The following ATP13A5 variants were observed in gnomAD, a reference collection of about 807,000 sequenced individuals.
ATP13A5 encodes ATPase 13A5, also known as probable cation-transporting ATPase 13A5.
Under a neutral mutation model 150.2 loss-of-function variants are expected in ATP13A5, and 149 were observed. The observed-to-expected ratio is 0.99, with a 90% confidence interval of 0.87 to 1.14. The LOEUF (loss-of-function observed/expected upper bound fraction) is 1.14. Ranked by LOEUF, ATP13A5 falls within the 50% of genes most tolerant of loss-of-function variation. The pLI is 0.00. For synonymous variants in ATP13A5, 497 were observed against 522.2 expected (o/e 0.95, Z 0.66); for missense variants, 1,383 against 1,449.3 (o/e 0.95, Z 0.74).
At chr3:193,283,185 TAGTC>T (rs1191782482) in intron 27 of ATP13A5, among the ~76,000 whole-genome samples, 1 of 152,132 alleles carries the variant, frequency 6.6e-6, no homozygotes, top group East Asian at 1.9e-4. Context: ...AAAAACTCAA[TAGTC>T]AATAAAAGCT....
chr3:193,280,549 T>C (rs950125659), intron 27 of ATP13A5, among the ~76,000 whole-genome samples: 1 of 152,158 alleles, frequency 6.6e-6, no homozygotes, highest in Non-Finnish European at 1.5e-5. Flanking sequence ...AAATGAGAAA[T>C]TAGCATGTAC....
chr3:193,376,355 C>A (rs1157589277), intron 1 of ATP13A5, among the ~76,000 whole-genome samples: 2 of 152,076 alleles, frequency 1.3e-5, no homozygotes, highest in Non-Finnish European at 2.9e-5. Flanking sequence ...GTAGAAGGGA[C>A]AAGGGAGATC....
chr3:193,318,113 A>G (rs2108858818), intron 17 of ATP13A5, among the ~76,000 whole-genome samples: 1 of 152,348 alleles, frequency 6.6e-6, no homozygotes, highest in African/African-American at 2.4e-5. Context: ...CTTGGAGATC[A>G]TCCAATTGCA....
chr3:193,305,772 C>T (rs1328385076), intron 22 of ATP13A5, 104 bp from the exon 23 acceptor site: 8 of 944,244 alleles, frequency 8.5e-6, no homozygotes, highest in Non-Finnish European at 1.3e-5. Flanking sequence ...TAACACTGTA[C>T]TGTTTCATCT....
At chr3:193,277,976 A>G (rs1254507915) in intron 28 of ATP13A5, among the ~76,000 whole-genome samples, 1 of 152,082 alleles carries the variant, frequency 6.6e-6, no homozygotes, top group African/African-American at 2.4e-5. Context: ...GCTAATTTTT[A>G]TATTTTTAGT....
At chr3:193,286,704 A>G (rs1262213035) in intron 26 of ATP13A5, among the ~76,000 whole-genome samples, 1 of 152,150 alleles carries the variant, frequency 6.6e-6, no homozygotes, top group African/African-American at 2.4e-5. Flanking sequence ...AGACAATAAT[A>G]TCGAAATCTG....
intron 22 of ATP13A5, 68 bp downstream of exon 22, chr3:193,307,259 G>A: frequency 6.2e-7 from 1 of 1,610,644 alleles, no homozygotes; most frequent in Non-Finnish European, 8.5e-7. Context: ...CAAACCCCAG[G>A]AGAGCCTGAG....
At chr3:193,335,545 G>A (rs1377810083) in intron 9 of ATP13A5, among the ~76,000 whole-genome samples, 1 of 152,108 alleles carries the variant, frequency 6.6e-6, no homozygotes, top group East Asian at 1.9e-4. Context: ...TTCTGTTCCA[G>A]GAACTGTGCT....
In ATP13A5 at chr3:193,305,583, A is replaced by G; in HGVS notation, c.2654T>C (p.Ile885Thr). Residue 885 changes from isoleucine (I) to threonine (T), a missense_variant, in exon 23 of 30, where the codon ATC (isoleucine) becomes ACC (threonine). Physicochemically the swap from Ile to Thr is moderately conservative, Grantham distance 89 (BLOSUM62 -1). Coordinates refer to ENST00000342358, the MANE Select transcript of ATP13A5 (RefSeq NM_198505.4). ...CCTGATGAGATGAGGCACACACTGGATGTTGGTTGTTTTAGAGGTAAAAGG... is the reference window on the plus strand; with the variant it reads ...CCTGATGAGATGAGGCACACACTGGGTGTTGGTTGTTTTAGAGGTAAAAGG... Reference protein sequence around the residue: ...ASPFTSKTTNIQCVPHLIREG... With the variant: ...ASPFTSKTTNTQCVPHLIREG... The G allele has an allele frequency of 6.2e-7, 1 of 1,613,810 alleles. No homozygotes were observed. Among genetic ancestry groups the G allele is most frequent in the South Asian group, 1.1e-5 (1 of 91,074 alleles).
intron 21 of ATP13A5, among the ~76,000 whole-genome samples, chr3:193,309,696 A>G (rs1024724761): frequency 3.9e-5 from 6 of 152,086 alleles, no homozygotes; most frequent in African/African-American, 1.2e-4. Flanking sequence ...GAGCTTCCTT[A>G]TGCAATGGCC....
chr3:193,318,223 C>T (rs1381501325), intron 17 of ATP13A5, among the ~76,000 whole-genome samples: 1 of 152,086 alleles, frequency 6.6e-6, no homozygotes, highest in South Asian at 2.1e-4. Flanking sequence ...TAATGTTAAA[C>T]CAAGGATATC....
intron 15 of ATP13A5, 112 bp from the exon 16 acceptor site, chr3:193,321,949 T>A: frequency 8.3e-7 from 1 of 1,207,106 alleles, no homozygotes; most frequent in Non-Finnish European, 1.1e-6. Flanking sequence ...CTTGATGTAG[T>A]ATATTTGTCA....
rs755983312 is a variant in ATP13A5 at position 193,276,786 on chromosome 3, T to C, written c.3360A>G (p.Val1120=). 1 of 1,613,620 alleles carries C rather than the reference T, an allele frequency of 6.2e-7. No homozygotes were observed. Among genetic ancestry groups the C allele is most frequent in the Non-Finnish European group, 8.5e-7 (1 of 1,179,666 alleles). The change falls in exon 29 of 30, where the codon GTA becomes GTG. Residue 1120 remains valine, a synonymous_variant. Coordinates refer to ENST00000342358, the MANE Select transcript of ATP13A5 (RefSeq NM_198505.4). ...AAGCCACACAGAATTGGGTGAGGGC[T>C]ACCACCAAAATTAAAACCCTCCACG... ...ITSWRVLILV[V]ALTQFCVAFF...
At chr3:193,309,306 C>T (rs1328216096) in intron 21 of ATP13A5, among the ~76,000 whole-genome samples, 7 of 152,172 alleles carry the variant, frequency 4.6e-5, no homozygotes, top group African/African-American at 1.7e-4. Context: ...TTCTAATGGA[C>T]CAACCTAAAA....
chr3:193,315,475 G>A (rs1167623196), intron 17 of ATP13A5, among the ~76,000 whole-genome samples: 3 of 152,024 alleles, frequency 2.0e-5, no homozygotes, highest in African/African-American at 7.3e-5. Context: ...TTTATTAAGG[G>A]CATTCTGCAT....
intron 17 of ATP13A5, among the ~76,000 whole-genome samples, chr3:193,317,797 A>G (rs1560129866): frequency 6.6e-6 from 1 of 152,208 alleles, no homozygotes; most frequent in Non-Finnish European, 1.5e-5. Flanking sequence ...TTATTTTGTT[A>G]TATTTATAAT....
chr3:193,372,946 A>G (rs1443277682), intron 1 of ATP13A5, among the ~76,000 whole-genome samples: 1 of 152,134 alleles, frequency 6.6e-6, no homozygotes, highest in African/African-American at 2.4e-5. Context: ...ATTCAACCTG[A>G]TAATATACAT....
chr3:193,303,611 T>C (rs972704299), intron 23 of ATP13A5, among the ~76,000 whole-genome samples: 2 of 152,012 alleles, frequency 1.3e-5, no homozygotes, highest in East Asian at 3.9e-4. Flanking sequence ...GTCTTAGCTG[T>C]TAATGCGGTA....
intron 1 of ATP13A5, among the ~76,000 whole-genome samples, chr3:193,375,916 C>A (rs1713624530): frequency 6.6e-6 from 1 of 152,202 alleles, no homozygotes. Flanking sequence ...TTTGCCTCGA[C>A]TGTCTCTAAT....
Sources: gnomAD v4.1 joint callset for allele counts (sites outside exome capture counted in the v4.1 genomes callset) on GRCh38, gnomAD v4.1.1 for gene constraint, MANE v1.5 for transcripts, NCBI Gene and HGNC (gene_info 2026-07-23, HGNC 2026-07-21) for gene names.